The following CEP112 variants were observed in gnomAD, a reference collection of about 807,000 sequenced individuals.
The protein encoded by CEP112 is centrosomal protein 112.
A neutral mutation model predicts 153.0 loss-of-function variants in CEP112; 127 were observed. The ratio of observed to expected loss-of-function variants is 0.83; its 90% CI spans 0.72 to 0.96. CEP112 has a LOEUF of 0.96. Among genes scored for constraint, CEP112 ranks in the 40% least tolerant of loss-of-function variants. The probability of loss-of-function intolerance (pLI) is 0.00; values close to 1 mark genes in which losing one functional copy is unlikely to be tolerated. For missense variants in CEP112, 1,089 were observed against 1,101.2 expected (o/e 0.99, Z 0.16); for synonymous variants, 358 against 374.4 (o/e 0.96, Z 0.51).
chr17:65,817,343 C>T (rs1023898752), intron 21 of CEP112, among the ~76,000 whole-genome samples: 2 of 151,782 alleles, frequency 1.3e-5, no homozygotes, highest in African/African-American at 2.4e-5. Context: ...TAGTTAAAAA[C>T]GTTTCAAAAC....
intron 16 of CEP112, among the ~76,000 whole-genome samples, chr17:66,014,974 C>G (rs1455664143): frequency 1.1e-4 from 16 of 152,192 alleles, no homozygotes; most frequent in Non-Finnish European, 2.4e-4. Context: ...CCCACTTGGT[C>G]ATGGTGCCTG....
At chr17:65,720,036 C>G (rs907954776) in intron 23 of CEP112, among the ~76,000 whole-genome samples, 4 of 152,206 alleles carry the variant, frequency 2.6e-5, no homozygotes, top group African/African-American at 9.6e-5. Context: ...GAGGATTAGC[C>G]AAGCTGAGGC....
intron 11 of CEP112, among the ~76,000 whole-genome samples, chr17:66,057,127 T>C (rs1449604279): frequency 6.6e-6 from 1 of 152,128 alleles, no homozygotes; most frequent in African/African-American, 2.4e-5. Context: ...CAGATTTGTG[T>C]TTGTGAAAGA....
Position 66,014,035 on chromosome 17 carries a change from C to T in CEP112, c.1657-8266G>A, listed in dbSNP as rs759724561. Among the ~76,000 whole-genome samples the T allele has an allele frequency of 5.3e-5, 8 of 152,196 alleles. 1 individual carries two copies. Among genetic ancestry groups the T allele is most frequent in the East Asian group, 1.9e-4 (1 of 5,196 alleles). On this transcript the variant is annotated intron_variant, in intron 16 of 26. Transcript: ENST00000535342. ...CTGCAACACAGCAGCAAGTGGGGGA[C>T]GGGTACACTCACGCTGGCAGCAATG...
rs1441312466 is a variant in CEP112 at position 65,852,044 on chromosome 17, A to T, written c.2164-10T>A. 1.3e-6 allele frequency: 2 copies of T among 1,569,630 alleles called. No individual in the cohort carries two copies. Among genetic ancestry groups the T allele is most frequent in the East Asian group, 4.5e-5 (2 of 44,642 alleles). ...CCATGTCGGCAATAACCTTGTTTTT[A>T]AAAATGGAAAAATGGGCAGAAGATA... is the stretch of plus-strand genomic sequence containing the variant. On this transcript the variant is annotated splice_polypyrimidine_tract_variant and intron_variant, in intron 20 of 26. Transcript: ENST00000535342.
At chr17:65,885,183 T>A (rs2059233093) in intron 20 of CEP112, among the ~76,000 whole-genome samples, 1 of 152,192 alleles carries the variant, frequency 6.6e-6, no homozygotes, top group South Asian at 2.1e-4. Context: ...GTGCAGATTA[T>A]CTTGAGAAAA....
chr17:66,119,155 G>A (rs550411570), intron 6 of CEP112, among the ~76,000 whole-genome samples: 15 of 152,216 alleles, frequency 9.9e-5, no homozygotes, highest in Middle Eastern at 3.4e-3. Flanking sequence ...AGAACACATG[G>A]ACACAGGGAA....
chr17:66,057,863 C>A (rs1205839321), intron 11 of CEP112, among the ~76,000 whole-genome samples: 1 of 151,634 alleles, frequency 6.6e-6, no homozygotes, highest in African/African-American at 2.4e-5. Context: ...GAGGCCAAGG[C>A]GGAAGGATCA....
At chr17:66,077,808 T>G (rs2067559123) in intron 8 of CEP112, among the ~76,000 whole-genome samples, 1 of 152,210 alleles carries the variant, frequency 6.6e-6, no homozygotes. Flanking sequence ...GTATAGATTA[T>G]GAAGATTTTC....
In CEP112 at chr17:65,675,981, C is replaced by T. The variant is rs115031536; in HGVS notation, c.2697+13148G>A. ...AATTCCTTACTGTGATGAAGGCAGT[C>T]TATACAAAATCAATTGTATTTCAGT... On this transcript the variant is annotated intron_variant, in intron 24 of 26. Transcript: ENST00000535342. Among the ~76,000 whole-genome samples, 761 of 152,252 alleles carry T rather than the reference C, an allele frequency of 5.0e-3. 6 individuals are homozygous for T. The highest frequency in any genetic ancestry group is 0.018 in the African/African-American group (730 of 41,550).
intron 4 of CEP112, among the ~76,000 whole-genome samples, chr17:66,166,251 A>T (rs2071951848): frequency 6.6e-6 from 1 of 152,192 alleles, no homozygotes; most frequent in Non-Finnish European, 1.5e-5. Context: ...CTCTCAAATA[A>T]GCAGAAGCAA....
chr17:65,913,925 C>T (rs1197205632), intron 19 of CEP112: 2 of 958,674 alleles, frequency 2.1e-6, no homozygotes, highest in Non-Finnish European at 2.5e-6. Flanking sequence ...TGACAATTAT[C>T]CTGAGTTTTT....
intron 4 of CEP112, among the ~76,000 whole-genome samples, chr17:66,133,714 A>C (rs1264244743): frequency 6.6e-6 from 1 of 152,240 alleles, no homozygotes; most frequent in Non-Finnish European, 1.5e-5. Flanking sequence ...AATAACCATT[A>C]TACAATGAAT....
rs576315570 is a variant in CEP112, at chr17:66,109,052, G to C, written c.643-12420C>G. On this transcript the variant is annotated intron_variant, in intron 6 of 26. Coordinates refer to ENST00000535342, the MANE Select transcript of CEP112 (RefSeq NM_001199165.4). Reference sequence around the variant, plus strand: ...TTGACATGTTCTCAATTATTTGTGGGAGTTAAAAATTAAAACAGTTGAACT... The same window carrying C: ...TTGACATGTTCTCAATTATTTGTGGCAGTTAAAAATTAAAACAGTTGAACT... Among the ~76,000 whole-genome samples, 4 of 152,226 alleles carry C rather than the reference G, an allele frequency of 2.6e-5. No individual in the cohort carries two copies. In the East Asian group the frequency reaches 7.7e-4, roughly 29 times the overall value.
At chr17:65,841,337 G>A (rs1018719269) in intron 21 of CEP112, among the ~76,000 whole-genome samples, 1 of 152,052 alleles carries the variant, frequency 6.6e-6, no homozygotes, top group African/African-American at 2.4e-5. Context: ...ATGAAATTCT[G>A]TCATTTTCAG....
chr17:66,155,802 CAA>C (rs1187972506), intron 4 of CEP112, among the ~76,000 whole-genome samples: 1 of 152,220 alleles, frequency 6.6e-6, no homozygotes, highest in Non-Finnish European at 1.5e-5. Context: ...TGCAGCTCAG[CAA>C]AGTCAATGTA....
At chr17:65,970,191 A>G (rs2062622308) in intron 17 of CEP112, among the ~76,000 whole-genome samples, 1 of 127,208 alleles carries the variant, frequency 7.9e-6, no homozygotes, top group African/African-American at 2.6e-5. Flanking sequence ...TTACATGCAT[A>G]TATGCTGCAT....
chr17:66,032,188 G>A (rs946532200), intron 12 of CEP112, among the ~76,000 whole-genome samples: 5 of 151,612 alleles, frequency 3.3e-5, no homozygotes, highest in Non-Finnish European at 7.4e-5. Flanking sequence ...TTTAGTAGAG[G>A]TGGGGTTTCA....
At chr17:65,752,354 C>T (rs1337463213) in intron 21 of CEP112, among the ~76,000 whole-genome samples, 2 of 152,120 alleles carry the variant, frequency 1.3e-5, no homozygotes, top group African/African-American at 2.4e-5. Flanking sequence ...GGGGCCTGGA[C>T]TCTCCCATGC....
Sources: allele counts gnomAD v4.1 joint callset (sites outside exome capture counted in the v4.1 genomes callset), GRCh38; gene constraint gnomAD v4.1.1; transcripts MANE v1.5; gene names NCBI Gene and HGNC (gene_info 2026-07-23, HGNC 2026-07-21).